Variants in CCDC170 observed in about 807,000 individuals in gnomAD.
CCDC170 encodes the protein coiled-coil domain-containing protein 170.
Under a neutral mutation model 72.6 loss-of-function variants are expected in CCDC170, and 69 were observed. The observed-to-expected ratio is 0.95, with a 90% CI of 0.78 to 1.16. CCDC170 has a LOEUF of 1.16. Among genes scored for constraint, CCDC170 ranks in the 50% most tolerant of loss-of-function variants. The probability of loss-of-function intolerance (pLI) is 0.00; values close to 1 mark genes in which losing one functional copy is unlikely to be tolerated. For missense variants in CCDC170, 852 were observed against 832.5 expected (o/e 1.02, Z -0.29); for synonymous variants, 300 against 303.9 (o/e 0.99, Z 0.13).
Position 151,573,483 on chromosome 6 carries a change from A to G in CCDC170, c.1084A>G (p.Arg362Gly). Residue 362 changes from arginine to glycine, a missense_variant, in exon 6 of 11, where the codon AGG (arginine) becomes GGG (glycine). Physicochemically the swap from Arg to Gly is moderately radical, Grantham distance 125. Coordinates refer to ENST00000239374, the MANE Select transcript of CCDC170 (RefSeq NM_025059.4). ...IREMDSREES[R>G]DRMVSQLEAQ... ...AGAAATGGACAGCCGGGAAGAAAGC[A>G]GGGACCGGGTGAGTGGGTCATGGCT... 6.2e-7 allele frequency: 1 copy of G among 1,613,572 alleles called. No homozygotes were observed. Among genetic ancestry groups the G allele is most frequent in the Admixed American group, 1.7e-5 (1 of 60,012 alleles).
chr6:151,501,084 G>T (rs1026786544), intron 1 of CCDC170, among the ~76,000 whole-genome samples: 9 of 152,016 alleles, frequency 5.9e-5, no homozygotes, highest in African/African-American at 2.2e-4. Flanking sequence ...GTACTCTATT[G>T]GTAGGAAGTG....
intron 10 of CCDC170, 133 bp from the exon 11 acceptor site, chr6:151,617,814 G>A (rs1472028222): frequency 1.4e-6 from 1 of 713,254 alleles, no homozygotes; most frequent in African/African-American, 1.8e-5. Flanking sequence ...GAGAGAACTA[G>A]GAAGAGAGTA....
intron 1 of CCDC170, among the ~76,000 whole-genome samples, chr6:151,527,728 C>T (rs1029447624): frequency 2.0e-5 from 3 of 151,944 alleles, no homozygotes; most frequent in Non-Finnish European, 2.9e-5. Context: ...AGAGAAGAGA[C>T]AGGCACAAGG....
At chr6:151,511,238 G>C (rs1209172424) in intron 1 of CCDC170, among the ~76,000 whole-genome samples, 2 of 152,070 alleles carry the variant, frequency 1.3e-5, no homozygotes, top group Non-Finnish European at 2.9e-5. Flanking sequence ...ATTATTTCCT[G>C]GTTTTACAAG....
intron 7 of CCDC170, among the ~76,000 whole-genome samples, chr6:151,587,447 G>T (rs1214474912): frequency 6.6e-6 from 1 of 152,130 alleles, no homozygotes; most frequent in Non-Finnish European, 1.5e-5. Context: ...GGCGGGGAAA[G>T]TATGGACTGA....
At chr6:151,504,816 G>A (rs781229421) in intron 1 of CCDC170, among the ~76,000 whole-genome samples, 1 of 151,730 alleles carries the variant, frequency 6.6e-6, no homozygotes, top group Non-Finnish European at 1.5e-5. Context: ...GAGATCGCAG[G>A]AGGGCATGAA....
intron 1 of CCDC170, among the ~76,000 whole-genome samples, chr6:151,495,716 A>G (rs1191749995): frequency 6.6e-6 from 1 of 152,096 alleles, no homozygotes; most frequent in Non-Finnish European, 1.5e-5. Context: ...GGCTGGTCTC[A>G]AACTCCTGAG....
intron 4 of CCDC170, among the ~76,000 whole-genome samples, chr6:151,546,773 G>C (rs1407365696): frequency 6.6e-6 from 1 of 152,152 alleles, no homozygotes; most frequent in African/African-American, 2.4e-5. Context: ...CACTTCTTCT[G>C]CCTCCTGACT....
chr6:151,545,934 C>T (rs1311840975), intron 4 of CCDC170, among the ~76,000 whole-genome samples: 1 of 152,054 alleles, frequency 6.6e-6, no homozygotes, highest in Non-Finnish European at 1.5e-5. Flanking sequence ...ATGCCCAGCA[C>T]CCATGCATCA....
chr6:151,592,984 C>A (rs537244579), intron 7 of CCDC170, 123 bp from the exon 8 acceptor site: 2 of 1,039,576 alleles, frequency 1.9e-6, no homozygotes, highest in African/African-American at 1.6e-5. Flanking sequence ...GTCCGTGCTC[C>A]GTTCCATGCT....
chr6:151,533,301 G>A (rs547272387), intron 1 of CCDC170, among the ~76,000 whole-genome samples: 16 of 151,608 alleles, frequency 1.1e-4, no homozygotes, highest in East Asian at 4.0e-4. Flanking sequence ...TGATCTGCCC[G>A]CCTTGGCCTC....
At chr6:151,601,273 A>G (rs1037004921) in intron 9 of CCDC170, among the ~76,000 whole-genome samples, 15 of 152,208 alleles carry the variant, frequency 9.9e-5, no homozygotes, top group African/African-American at 3.6e-4. Context: ...TACCACCCCC[A>G]TGATTCAGTT....
chr6:151,526,068 A>C (rs1396272779), intron 1 of CCDC170, among the ~76,000 whole-genome samples: 1 of 148,324 alleles, frequency 6.7e-6, no homozygotes, highest in East Asian at 2.0e-4. Flanking sequence ...ATCTGGTACC[A>C]GTCCTTCCTT....
At chr6:151,495,922 C>T (rs1436475061) in intron 1 of CCDC170, among the ~76,000 whole-genome samples, 6 of 152,156 alleles carry the variant, frequency 3.9e-5, no homozygotes, top group African/African-American at 1.4e-4. Flanking sequence ...ATCTAATATA[C>T]ACGACCTACT....
chr6:151,549,649 ACTCCTGGCCTC>A (rs1782845710), intron 5 of CCDC170, among the ~76,000 whole-genome samples: 1 of 151,730 alleles, frequency 6.6e-6, no homozygotes, highest in South Asian at 2.1e-4. Context: ...CTGGTCCTAA[ACTCCTGGCCTC>A]AAGTGATCCT....
At chr6:151,558,469 T>G (rs1366156081) in intron 5 of CCDC170, among the ~76,000 whole-genome samples, 1 of 152,168 alleles carries the variant, frequency 6.6e-6, no homozygotes, top group Non-Finnish European at 1.5e-5. Context: ...CTAAAATATT[T>G]TCCTAGCCAA....
At chr6:151,519,324 C>G (rs1268293781) in intron 1 of CCDC170, among the ~76,000 whole-genome samples, 1 of 152,172 alleles carries the variant, frequency 6.6e-6, no homozygotes, top group Non-Finnish European at 1.5e-5. Context: ...TTTATAGGCT[C>G]TCTGCAAGAA....
chr6:151,494,076 C>A lies in CCDC170; in HGVS notation c.-53C>A. 6.9e-7 allele frequency: 1 copy of A among 1,445,930 alleles called. No individual in the cohort carries two copies. Among genetic ancestry groups the A allele is most frequent in the Non-Finnish European group, 9.1e-7 (1 of 1,104,092 alleles). 89.6% of individuals were successfully genotyped at this position (1,445,930 alleles called of 1,614,324 possible). On this transcript the variant is annotated 5_prime_UTR_variant, in exon 1 of 11. Coordinates refer to ENST00000239374, the MANE Select transcript of CCDC170 (RefSeq NM_025059.4). Reference sequence around the variant, plus strand: ...GCCACCCGCCGGCTCCCGGCGCCGCCGCTTCCTCAGGGCCGGTTCCGGGTC... The same window carrying A: ...GCCACCCGCCGGCTCCCGGCGCCGCAGCTTCCTCAGGGCCGGTTCCGGGTC...
chr6:151,598,599 A>G (rs1390895987), intron 9 of CCDC170, among the ~76,000 whole-genome samples: 1 of 152,048 alleles, frequency 6.6e-6, no homozygotes, highest in Non-Finnish European at 1.5e-5. Context: ...CAAATAATAG[A>G]TATAGGAGAG....
Sources: allele counts gnomAD v4.1 joint callset (sites outside exome capture counted in the v4.1 genomes callset), GRCh38; gene constraint gnomAD v4.1.1; transcripts MANE v1.5; gene names NCBI Gene and HGNC (gene_info 2026-07-23, HGNC 2026-07-21).